Variants in ELFN1 observed in about 807,000 individuals in gnomAD.
ELFN1 encodes protein ELFN1.
Under a neutral mutation model 7.6 loss-of-function variants are expected in ELFN1, and 6 were observed. The observed-to-expected ratio is 0.79, with a 90% CI of 0.43 to 1.56. The LOEUF is 1.56. Ranked by LOEUF, ELFN1 falls within the 40% of genes most tolerant of loss-of-function variation. The probability of loss-of-function intolerance (pLI) is 0.01; values close to 1 mark genes in which losing one functional copy is unlikely to be tolerated. For missense variants in ELFN1, 1,169 were observed against 1,232.2 expected, an observed-to-expected ratio of 0.95 and a Z score of 0.77; for synonymous variants, 657 against 588.1, an observed-to-expected ratio of 1.12 and a Z score of -1.70.
At chr7:1,714,053 T>A (rs1232496249) in intron 3 of ELFN1, among the ~76,000 whole-genome samples, 1 of 152,184 alleles carries the variant, frequency 6.6e-6, no homozygotes. Context: ...GCATTTGAAG[T>A]CATGCCTCAC....
chr7:1,671,069 C>G (rs944697896), intron 1 of ELFN1, among the ~76,000 whole-genome samples: 10 of 152,112 alleles, frequency 6.6e-5, no homozygotes, highest in Non-Finnish European at 1.3e-4. Context: ...CCCAACCTGC[C>G]TCTAAAGACA....
At chr7:1,685,048 G>T (rs1348861581) in intron 1 of ELFN1, among the ~76,000 whole-genome samples, 2 of 152,134 alleles carry the variant, frequency 1.3e-5, no homozygotes, top group African/African-American at 4.8e-5. Context: ...ACTAGCCCCA[G>T]ATTCTTTCAG....
chr7:1,703,468 A>G (rs1304388546), intron 2 of ELFN1, among the ~76,000 whole-genome samples: 2 of 152,090 alleles, frequency 1.3e-5, no homozygotes, highest in Non-Finnish European at 2.9e-5. Flanking sequence ...AGAACTGATA[A>G]GTATTGAATT....
chr7:1,700,837 T>C (rs1178395424), intron 2 of ELFN1, among the ~76,000 whole-genome samples: 1 of 152,220 alleles, frequency 6.6e-6, no homozygotes, highest in Non-Finnish European at 1.5e-5. Context: ...CAAGCTTTCA[T>C]TTGAATTTCG....
At chr7:1,684,542 C>T (rs1425650679) in intron 1 of ELFN1, among the ~76,000 whole-genome samples, 1 of 152,120 alleles carries the variant, frequency 6.6e-6, no homozygotes, top group Non-Finnish European at 1.5e-5. Context: ...ATTCTTTTCT[C>T]CTGTGCTGCC....
intron 2 of ELFN1, among the ~76,000 whole-genome samples, chr7:1,688,578 G>GGA (rs533135647): frequency 3.9e-5 from 6 of 152,126 alleles, no homozygotes; most frequent in Admixed American, 3.3e-4. Context: ...CCCTTTTATT[G>GGA]AAAAATACCA....
intron 2 of ELFN1, among the ~76,000 whole-genome samples, chr7:1,689,657 T>C (rs1779120363): frequency 6.6e-6 from 1 of 152,222 alleles, no homozygotes; most frequent in Non-Finnish European, 1.5e-5. Context: ...TTGAATCTCC[T>C]AACAACATTA....
intron 3 of ELFN1, among the ~76,000 whole-genome samples, chr7:1,734,150 G>A (rs1291964579): frequency 3.3e-5 from 5 of 152,166 alleles, no homozygotes; most frequent in Admixed American, 2.0e-4. Context: ...TTATGAGGGC[G>A]TGATGAGGAA....
intron 2 of ELFN1, among the ~76,000 whole-genome samples, chr7:1,698,555 G>A (rs1404113280): frequency 1.3e-5 from 2 of 152,044 alleles, no homozygotes; most frequent in African/African-American, 2.4e-5. Flanking sequence ...CTTTTCTGGG[G>A]GCCTGGCATT....
intron 2 of ELFN1, among the ~76,000 whole-genome samples, chr7:1,708,849 A>G (rs1175667221): frequency 6.6e-6 from 1 of 152,122 alleles, no homozygotes; most frequent in East Asian, 1.9e-4. Flanking sequence ...CATATCTTGC[A>G]TCTGCTGTTG....
intron 1 of ELFN1, among the ~76,000 whole-genome samples, chr7:1,674,175 C>A (rs1233589440): frequency 6.9e-6 from 1 of 145,150 alleles, no homozygotes; most frequent in Admixed American, 6.9e-5. Context: ...TGAGGGGTGC[C>A]CAGGAGCCGG....
At chr7:1,692,179 T>C (rs1436240063) in intron 2 of ELFN1, 1 of 152,312 alleles carries the variant, frequency 6.6e-6, no homozygotes, top group Non-Finnish European at 1.5e-5. Context: ...CCACTTTCAC[T>C]GTGGTCTGTG....
rs771148993 is a variant in ELFN1 at position 1,745,968 on chromosome 7, G to T, written c.1372G>T (p.Ala458Ser). The change falls in exon 4 of 4, where the codon GCA becomes TCA. Residue 458 changes from alanine to serine, a missense_variant. By Grantham distance (99) the Ala-to-Ser change is moderately conservative. Around this residue, in one of 2 missense-constraint regions of ELFN1, gnomAD observed 914 missense variants for 872.6 expected, o/e 1.05. Coordinates refer to ENST00000424383, the MANE Select transcript of ELFN1 (RefSeq NM_001128636.4). ...EKHKKAASAA[A>S]AGSLKKTIIE... ...GCACAAGAAGGCCGCCTCGGCAGCC[G>T]CAGCTGGCAGCCTCAAGAAGACCAT... 1 of 1,545,412 alleles carries T rather than the reference G, an allele frequency of 6.5e-7. No homozygotes were observed. Among genetic ancestry groups the T allele is most frequent in the Non-Finnish European group, 8.7e-7 (1 of 1,143,882 alleles).
At chr7:1,681,256 G>A (rs1360894708) in intron 1 of ELFN1, among the ~76,000 whole-genome samples, 1 of 152,244 alleles carries the variant, frequency 6.6e-6, no homozygotes, top group Admixed American at 6.5e-5. Flanking sequence ...CACATGCAGA[G>A]CATGTGTGTC....
chr7:1,691,705 C>T (rs1172596757), intron 2 of ELFN1, among the ~76,000 whole-genome samples: 2 of 152,210 alleles, frequency 1.3e-5, no homozygotes, highest in African/African-American at 2.4e-5. Flanking sequence ...CGGTGAGAGC[C>T]GAGGGCGTCG....
chr7:1,703,156 G>A (rs1779462249), intron 2 of ELFN1, among the ~76,000 whole-genome samples: 2 of 152,136 alleles, frequency 1.3e-5, no homozygotes, highest in South Asian at 2.1e-4. Context: ...GGGAGGTTGA[G>A]CATTGGGCCA....
intron 2 of ELFN1, among the ~76,000 whole-genome samples, chr7:1,707,794 T>C (rs1749569802): frequency 6.6e-6 from 1 of 152,168 alleles, no homozygotes; most frequent in Non-Finnish European, 1.5e-5. Flanking sequence ...ACCCACAATT[T>C]TAGGTAATTA....
At chr7:1,725,022 G>A (rs977663847) in intron 3 of ELFN1, among the ~76,000 whole-genome samples, 1 of 152,238 alleles carries the variant, frequency 6.6e-6, no homozygotes, top group Non-Finnish European at 1.5e-5. Flanking sequence ...CACAGCCCAG[G>A]AGGCAGAACA....
At chr7:1,701,104 C>T (rs949979883) in intron 2 of ELFN1, among the ~76,000 whole-genome samples, 1 of 150,352 alleles carries the variant, frequency 6.7e-6, no homozygotes, top group African/African-American at 2.5e-5. Context: ...TGTGTGTGCG[C>T]ATATGTGTGC....
Sources: allele counts gnomAD v4.1 joint callset (sites outside exome capture counted in the v4.1 genomes callset), GRCh38; gene constraint gnomAD v4.1.1; regional missense constraint gnomAD v4.1.1; transcripts MANE v1.5; gene names NCBI Gene and HGNC (gene_info 2026-07-23, HGNC 2026-07-21).